The following SCN3A variants were observed in gnomAD, a reference collection of about 807,000 sequenced individuals.
SCN3A encodes sodium channel protein type 3 subunit alpha.
SCN3A carries 60 observed loss-of-function variants against 187.6 expected under a neutral mutation model. The observed-to-expected ratio is 0.32, with a 90% CI of 0.26 to 0.40. The LOEUF is 0.40. SCN3A is among the 10% of genes least tolerant of loss of function. The pLI is 1.00. For synonymous variants in SCN3A, 788 were observed against 829.2 expected, an observed-to-expected ratio of 0.95 and a Z score of 0.85; for missense variants, 1,601 against 2,428.2, an observed-to-expected ratio of 0.66 and a Z score of 7.16.
chr2:165,149,433 C>G (rs900118429), intron 11 of SCN3A, among the ~76,000 whole-genome samples: 3 of 152,168 alleles, frequency 2.0e-5, no homozygotes, highest in African/African-American at 2.4e-5. Context: ...CCTCAGCCTC[C>G]CAAAGTGCTG....
chr2:165,107,525 T>A (rs570669777), intron 21 of SCN3A, among the ~76,000 whole-genome samples: 1 of 152,366 alleles, frequency 6.6e-6, no homozygotes, highest in Admixed American at 6.5e-5. Context: ...TTTTAATTTA[T>A]TCTAATTCTC....
Position 165,127,964 on chromosome 2 carries a change from A to G in SCN3A, c.3060T>C (p.Asn1020=), listed in dbSNP as rs757150792. 4.3e-6 allele frequency: 7 copies of G among 1,613,858 alleles called. No homozygotes were observed. The East Asian group carries it at 1.1e-4, about 26-fold the overall frequency. ...RMQKGIDYVK[N]KMRECFQKAF... ...CTTTTTGGAAACACTCCCGCATCTTATTTTTCACATAATCAATTCCCTTTT... is the reference window on the plus strand; with the variant it reads ...CTTTTTGGAAACACTCCCGCATCTTGTTTTTCACATAATCAATTCCCTTTT... Residue 1020 remains asparagine, a synonymous_variant, in exon 18 of 28, where the codon AAT becomes AAC. Coordinates refer to ENST00000283254, the MANE Select transcript of SCN3A (RefSeq NM_006922.4).
At chr2:165,160,727 A>T (rs981784536) in intron 9 of SCN3A, among the ~76,000 whole-genome samples, 2 of 151,962 alleles carry the variant, frequency 1.3e-5, no homozygotes, top group Non-Finnish European at 2.9e-5. Context: ...TGCTACCTCC[A>T]TCTTTCACGT....
intron 17 of SCN3A, among the ~76,000 whole-genome samples, chr2:165,128,770 T>C (rs920927562): frequency 6.6e-6 from 1 of 150,400 alleles, no homozygotes; most frequent in Non-Finnish European, 1.5e-5. Context: ...CCCACATAAG[T>C]TACTTTTCTT....
intron 7 of SCN3A, 60 bp downstream of exon 7, chr2:165,163,558 T>C (rs1486015035): frequency 9.6e-6 from 15 of 1,566,132 alleles, no homozygotes; most frequent in Admixed American, 1.7e-5. Context: ...CTGTAAGTCA[T>C]ATAAATTGAT....
At chr2:165,103,508 TA>T (rs1266311783) in intron 21 of SCN3A, among the ~76,000 whole-genome samples, 4 of 152,196 alleles carry the variant, frequency 2.6e-5, no homozygotes, top group African/African-American at 7.2e-5. Context: ...TTCCAAAAAC[TA>T]AATTTTTAAT....
intron 1 of SCN3A, among the ~76,000 whole-genome samples, 155 bp downstream of exon 1, chr2:165,203,668 G>A (rs1164779889): frequency 6.6e-6 from 1 of 151,948 alleles, no homozygotes; most frequent in South Asian, 2.1e-4. Context: ...GAAATAGTAA[G>A]CAGTTTACAC....
Position 165,199,117 on chromosome 2 carries a change from T to G in SCN3A, c.-248+4706A>C, listed in dbSNP as rs182585886. Reference sequence around the variant, plus strand: ...CAACCAAAGTAAGAATAAAGTATATTCTGAAAATCAGGAGATTAAAATTCC... The same window carrying G: ...CAACCAAAGTAAGAATAAAGTATATGCTGAAAATCAGGAGATTAAAATTCC... On this transcript the variant is annotated intron_variant, in intron 1 of 27. Transcript: ENST00000283254. Among the ~76,000 whole-genome samples the G allele has an allele frequency of 2.0e-3, 304 of 152,146 alleles. 4 individuals carry two copies. The Middle Eastern group carries it at 0.027, about 14-fold the overall frequency.
intron 1 of SCN3A, among the ~76,000 whole-genome samples, chr2:165,197,068 A>G (rs564488779): frequency 1.5e-4 from 23 of 152,268 alleles, no homozygotes; most frequent in Admixed American, 1.5e-3. Flanking sequence ...CAACTTTCAA[A>G]TATCATTGGG....
At chr2:165,119,778 T>G (rs1686560852) in intron 18 of SCN3A, 1 of 152,138 alleles carries the variant, frequency 6.6e-6, no homozygotes, top group African/African-American at 2.4e-5. Flanking sequence ...GCTGTGATAC[T>G]ACAATGATAT....
At chr2:165,168,870 A>G in intron 4 of SCN3A, 45 bp from the exon 5 acceptor site, 1 of 1,319,630 alleles carries the variant, frequency 7.6e-7, no homozygotes, top group Non-Finnish European at 1.1e-6. Context: ...TACCATGGCC[A>G]TTTATAAATG....
intron 1 of SCN3A, among the ~76,000 whole-genome samples, chr2:165,202,117 C>A (rs1559290946): frequency 6.6e-6 from 1 of 152,004 alleles, no homozygotes; most frequent in African/African-American, 2.4e-5. Flanking sequence ...CCACTACATT[C>A]TTTTAAAGAG....
At chr2:165,127,607 C>A in intron 18 of SCN3A, 24 bp downstream of exon 18, 1 of 1,590,968 alleles carries the variant, frequency 6.3e-7, no homozygotes, top group Non-Finnish European at 8.6e-7. Context: ...GGAAATGGAA[C>A]AAAAAATTTA....
At chr2:165,152,692 G>A (rs958459912) in intron 11 of SCN3A, among the ~76,000 whole-genome samples, 2 of 152,136 alleles carry the variant, frequency 1.3e-5, no homozygotes, top group Non-Finnish European at 2.9e-5. Context: ...CCCACCAACA[G>A]TGTAAAAGTG....
chr2:165,136,421 A>G (rs1393909480), intron 15 of SCN3A, among the ~76,000 whole-genome samples: 1 of 152,222 alleles, frequency 6.6e-6, no homozygotes, highest in Non-Finnish European at 1.5e-5. Context: ...TATTGAGCAC[A>G]TGCTAGATGC....
At chr2:165,141,113 C>G (rs747123143) in intron 12 of SCN3A, 115 bp from the exon 13 acceptor site, 61 of 670,434 alleles carry the variant, frequency 9.1e-5, no homozygotes, top group Admixed American at 2.4e-4. Flanking sequence ...TACTCTTGCT[C>G]TTAAACATGG....
At chr2:165,094,532 C>CA (rs796326700) in intron 25 of SCN3A, 54 bp from the exon 26 acceptor site, 2 of 1,152,732 alleles carry the variant, frequency 1.7e-6, no homozygotes, top group South Asian at 2.5e-5. Context: ...AGTACTTTCA[C>CA]AAAAAATATT....
chr2:165,199,353 T>A (rs1046046511), intron 1 of SCN3A, among the ~76,000 whole-genome samples: 1 of 151,976 alleles, frequency 6.6e-6, no homozygotes, highest in Admixed American at 6.6e-5. Context: ...CTTACAGAAA[T>A]AACTCCAGAT....
intron 11 of SCN3A, among the ~76,000 whole-genome samples, chr2:165,152,983 C>T (rs560244371): frequency 6.9e-6 from 1 of 145,132 alleles, no homozygotes; most frequent in Non-Finnish European, 1.5e-5. Context: ...GGACATAAAA[C>T]AGCCAAAACA....
Sources: allele counts gnomAD v4.1 joint callset (sites outside exome capture counted in the v4.1 genomes callset), GRCh38; gene constraint gnomAD v4.1.1; transcripts MANE v1.5; gene names NCBI Gene and HGNC (gene_info 2026-07-23, HGNC 2026-07-21).